The following EIF2AK4 variants were observed in gnomAD, a reference collection of about 807,000 sequenced individuals.
The protein encoded by EIF2AK4 is eukaryotic translation initiation factor 2 alpha kinase 4.
In EIF2AK4, 139 loss-of-function variants were observed where a neutral mutation model predicts 211.1. The observed-to-expected ratio is 0.66, with a 90% CI of 0.57 to 0.76. EIF2AK4 has a LOEUF of 0.76. Among genes scored for constraint, EIF2AK4 ranks in the 30% least tolerant of loss-of-function variants. The pLI is 0.00. For synonymous variants in EIF2AK4, 710 were observed against 751.3 expected (o/e 0.94, Z 0.90); for missense variants, 1,664 against 2,043.8 (o/e 0.81, Z 3.58).
chr15:39,938,774 C>T (rs988615546), intron 1 of EIF2AK4, among the ~76,000 whole-genome samples: 1 of 152,144 alleles, frequency 6.6e-6, no homozygotes, highest in Non-Finnish European at 1.5e-5. Flanking sequence ...GGAGATGACA[C>T]CTGCCTTGCA....
rs756642687 is a variant in EIF2AK4, at chr15:40,001,050, G to A, written c.2985G>A (p.Leu995=). The A allele has an allele frequency of 1.2e-6, 2 of 1,614,192 alleles. No individual in the cohort carries two copies. Among genetic ancestry groups the A allele is most frequent in the Admixed American group, 1.7e-5 (1 of 60,024 alleles). The change falls in exon 21 of 39, where the codon CTG becomes CTA. Residue 995 remains leucine, a synonymous_variant. Transcript: ENST00000263791. ...DPAKRPTATE[L]LKSELLPPPQ... is the part of the protein sequence containing the mutation. ...CAAAACGGCCCACAGCCACAGAACTGCTCAAGAGTGAGCTGCTGCCCCCAC... is the reference window on the plus strand; with the variant it reads ...CAAAACGGCCCACAGCCACAGAACTACTCAAGAGTGAGCTGCTGCCCCCAC...
intron 35 of EIF2AK4, among the ~76,000 whole-genome samples, chr15:40,031,537 T>G (rs2035542919): frequency 6.6e-6 from 1 of 152,200 alleles, no homozygotes; most frequent in Non-Finnish European, 1.5e-5. Context: ...CAATTTAGCT[T>G]CATACTATCA....
At chr15:39,942,779 G>A (rs543146509) in intron 2 of EIF2AK4, among the ~76,000 whole-genome samples, 2 of 152,290 alleles carry the variant, frequency 1.3e-5, no homozygotes, top group Admixed American at 6.5e-5. Flanking sequence ...ACCTGGTTTC[G>A]ATCAGAATGA....
chr15:40,030,612 G>A (rs1448766232), intron 35 of EIF2AK4, among the ~76,000 whole-genome samples, 156 bp downstream of exon 35: 1 of 152,202 alleles, frequency 6.6e-6, no homozygotes, highest in Non-Finnish European at 1.5e-5. Context: ...GGTGGCTTCT[G>A]GCTCCAGGAT....
rs75276540 is a variant in EIF2AK4, at chr15:40,012,047, C to A, written c.3759+701C>A. Among the ~76,000 whole-genome samples, 197 of 152,154 alleles carry A rather than the reference C, an allele frequency of 1.3e-3. 2 individuals carry two copies. The East Asian group carries it at 0.03, about 23-fold the overall frequency. On this transcript the variant is annotated intron_variant, in intron 27 of 38. Transcript: ENST00000263791. Reference sequence around the variant, plus strand: ...TTTAATTTCCCGGAACCTGTCTAGGCCCTTGTCTGACACTCAATTATATGA... The same window carrying A: ...TTTAATTTCCCGGAACCTGTCTAGGACCTTGTCTGACACTCAATTATATGA...
intron 1 of EIF2AK4, among the ~76,000 whole-genome samples, chr15:39,936,007 A>G (rs752871056): frequency 3.9e-5 from 6 of 152,212 alleles, no homozygotes; most frequent in Non-Finnish European, 8.8e-5. Flanking sequence ...AGGTGTCTCA[A>G]AGTGTACATG....
At chr15:39,952,898 A>C (rs999415628) in intron 4 of EIF2AK4, among the ~76,000 whole-genome samples, 7 of 152,094 alleles carry the variant, frequency 4.6e-5, no homozygotes, top group African/African-American at 1.7e-4. Flanking sequence ...CCCAGACTGG[A>C]GTACAGTGGT....
At chr15:39,940,474 T>C (rs1432946140) in intron 2 of EIF2AK4, among the ~76,000 whole-genome samples, 1 of 151,984 alleles carries the variant, frequency 6.6e-6, no homozygotes, top group Non-Finnish European at 1.5e-5. Context: ...TCCTAAGAAG[T>C]GATAGGGAGG....
chr15:40,007,631 G>A (rs1346710918), intron 24 of EIF2AK4, among the ~76,000 whole-genome samples: 1 of 152,140 alleles, frequency 6.6e-6, no homozygotes, highest in African/African-American at 2.4e-5. Context: ...TGTCAATGAG[G>A]CACCCTACTT....
At chr15:39,938,677 G>T (rs960900580) in intron 1 of EIF2AK4, among the ~76,000 whole-genome samples, 59 of 152,154 alleles carry the variant, frequency 3.9e-4, no homozygotes, top group African/African-American at 1.4e-3. Context: ...TGGAGTTAAG[G>T]CTGGGTTTGA....
Position 39,939,565 on chromosome 15 carries a change from G to A in EIF2AK4, c.205G>A (p.Val69Ile), listed in dbSNP as rs1412336677. The A allele has an allele frequency of 1.2e-6, 2 of 1,613,180 alleles. No individual in the cohort carries two copies. Among genetic ancestry groups the A allele is most frequent in the Non-Finnish European group, 1.7e-6 (2 of 1,179,442 alleles). The change falls in exon 2 of 39, where the codon GTA (valine) becomes ATA (isoleucine). Residue 69 changes from valine (V) to isoleucine (I), a missense_variant. This residue lies in a region of EIF2AK4 where 641 missense variants were observed against 729.6 expected (regional missense o/e 0.88). Transcript: ENST00000263791. ...CCCTCAAGGCCTAACTGGTGAAGAAGTATATGTAAAAGTGGATTTGAGGGT... is the reference window on the plus strand; with the variant it reads ...CCCTCAAGGCCTAACTGGTGAAGAAATATATGTAAAAGTGGATTTGAGGGT... ...LYPQGLTGEEVYVKVDLRVKC... is the reference protein window; with the variant it reads ...LYPQGLTGEEIYVKVDLRVKC...
At position 39,934,129 on chromosome 15, in the gene EIF2AK4, C is replaced by G. The variant is rs1168939049; in HGVS notation, c.-67C>G. 4.9e-6 allele frequency: 6 copies of G among 1,224,112 alleles called. No individual in the cohort carries two copies. In the African/African-American group the frequency reaches 9.5e-5, roughly 19 times the overall value. 75.8% of individuals were successfully genotyped at this position (1,224,112 alleles called of 1,614,324 possible). ...AGCCCGTCCCCAGCGCGGAGCCCCG[C>G]CCCGCAGGCTGCCGGGGGCCCACCG... On this transcript the variant is annotated 5_prime_UTR_variant, in exon 1 of 39. Transcript: ENST00000263791.
intron 6 of EIF2AK4, 98 bp from the exon 7 acceptor site, chr15:39,961,686 C>A: frequency 1.1e-6 from 1 of 875,546 alleles, no homozygotes; most frequent in Non-Finnish European, 1.8e-6. Context: ...AATGGAGGGG[C>A]ATTCTTGCCT....
intron 4 of EIF2AK4, among the ~76,000 whole-genome samples, chr15:39,950,409 A>G (rs995394814): frequency 1.3e-5 from 2 of 152,096 alleles, no homozygotes; most frequent in African/African-American, 2.4e-5. Flanking sequence ...CCTGGCCAAC[A>G]TGGCGAAACT....
At chr15:39,974,364 CAG>C (rs983906149) in intron 11 of EIF2AK4, 16 of 152,146 alleles carry the variant, frequency 1.1e-4, no homozygotes, top group Non-Finnish European at 4.4e-5. Context: ...TTAGGAGACC[CAG>C]ATTATTGTAT....
chr15:39,978,129 C>A lies in EIF2AK4; in HGVS notation c.2301C>A (p.Asn767Lys). ...TTATCTTTGACAATGAAGATGAGAA[C>A]AGTAAAAGTCAGAATCAGGTATATA... The part of the protein sequence containing the change: ...SDIIFDNEDE[N>K]SKSQNQDEDC... The change falls in exon 13 of 39, where the codon AAC becomes AAA. Residue 767 changes from asparagine to lysine, a missense_variant. Physicochemically the swap from Asn to Lys is moderately conservative, Grantham distance 94. Around this residue, in one of 7 missense-constraint regions of EIF2AK4, gnomAD observed 206 missense variants for 201.9 expected, o/e 1.02. Transcript: ENST00000263791. The A allele has an allele frequency of 6.3e-7, 1 of 1,577,830 alleles. No homozygotes were observed. The highest frequency in any genetic ancestry group is 8.7e-7 in the Non-Finnish European group (1 of 1,155,206).
At chr15:39,990,240 AC>A (rs748564763) in intron 15 of EIF2AK4, 32 bp from the exon 16 acceptor site, 13 of 1,601,072 alleles carry the variant, frequency 8.1e-6, no homozygotes, top group Non-Finnish European at 1.1e-5. Flanking sequence ...TGCATGGAAA[AC>A]CATTGTTTGT....
intron 33 of EIF2AK4, 23 bp downstream of exon 33, chr15:40,026,112 A>G: frequency 2.5e-6 from 4 of 1,602,808 alleles, no homozygotes; most frequent in Non-Finnish European, 3.4e-6. Context: ...ACAAAAGCCG[A>G]GAAAAGTGAC....
chr15:39,950,156 C>T (rs559845553), intron 4 of EIF2AK4, among the ~76,000 whole-genome samples: 1 of 152,042 alleles, frequency 6.6e-6, no homozygotes, highest in Non-Finnish European at 1.5e-5. Flanking sequence ...AATAATAATT[C>T]TTGAAGTGAT....
Sources: allele counts gnomAD v4.1 joint callset (sites outside exome capture counted in the v4.1 genomes callset), GRCh38; gene constraint gnomAD v4.1.1; regional missense constraint gnomAD v4.1.1; transcripts MANE v1.5; gene names NCBI Gene and HGNC (gene_info 2026-07-23, HGNC 2026-07-21).